Variants in RPTOR observed in about 807,000 individuals in gnomAD.
RPTOR encodes the protein regulatory associated protein of MTOR complex 1.
Under a neutral mutation model 169.9 loss-of-function variants are expected in RPTOR, and 21 were observed. The observed-to-expected ratio is 0.12, with a 90% CI of 0.09 to 0.18. The LOEUF (loss-of-function observed/expected upper bound fraction) is 0.18, where lower values mean the gene tolerates loss of function less well. Ranked by LOEUF, RPTOR falls within the 10% of genes least tolerant of loss-of-function variation. RPTOR has a pLI of 1.00. For synonymous variants in RPTOR, 732 were observed against 753.2 expected, an observed-to-expected ratio of 0.97 and a Z score of 0.46; for missense variants, 1,133 against 1,855.9, an observed-to-expected ratio of 0.61 and a Z score of 7.16.
chr17:80,593,095 G>T (rs569694728), intron 1 of RPTOR: 1 of 152,268 alleles, frequency 6.6e-6, no homozygotes, highest in Non-Finnish European at 1.5e-5. Context: ...TGGGATCCGG[G>T]AGGGGCCTGT....
chr17:80,631,481 G>A (rs573254490), intron 2 of RPTOR, among the ~76,000 whole-genome samples: 3 of 152,066 alleles, frequency 2.0e-5, no homozygotes, highest in Non-Finnish European at 4.4e-5. Context: ...GCAGACCTGC[G>A]CTCTTCAAAG....
chr17:80,876,971 G>T (rs2068125938), intron 13 of RPTOR, among the ~76,000 whole-genome samples: 1 of 139,800 alleles, frequency 7.2e-6, no homozygotes, highest in Non-Finnish European at 1.5e-5. Flanking sequence ...CGCCTGCCGG[G>T]TCTTCCACCG....
chr17:80,952,527 G>T (rs1003390171), intron 28 of RPTOR, among the ~76,000 whole-genome samples: 7 of 152,340 alleles, frequency 4.6e-5, no homozygotes, highest in Admixed American at 4.6e-4. Context: ...GGACCCGCTT[G>T]CCCAGTTGGG....
intron 2 of RPTOR, among the ~76,000 whole-genome samples, chr17:80,639,852 C>T (rs1204574604): frequency 6.6e-6 from 1 of 152,164 alleles, no homozygotes; most frequent in African/African-American, 2.4e-5. Flanking sequence ...AAACTGGGTA[C>T]ATAGGAAGAA....
chr17:80,961,236 T>C (rs1051175581), intron 30 of RPTOR, among the ~76,000 whole-genome samples, 158 bp from the exon 31 acceptor site: 2 of 152,190 alleles, frequency 1.3e-5, no homozygotes, highest in African/African-American at 4.8e-5. Context: ...GAGGGGGCTC[T>C]GACCCTGCGT....
At chr17:80,952,242 G>T (rs1409950220) in intron 28 of RPTOR, among the ~76,000 whole-genome samples, 2 of 152,230 alleles carry the variant, frequency 1.3e-5, no homozygotes, top group Non-Finnish European at 2.9e-5. Flanking sequence ...TTAGCAGGTT[G>T]GTTTCCCTCC....
At chr17:80,806,562 GCTT>G (rs1228261604) in intron 7 of RPTOR, among the ~76,000 whole-genome samples, 7 of 152,250 alleles carry the variant, frequency 4.6e-5, no homozygotes, top group African/African-American at 1.7e-4. Context: ...AAGTTGGAAA[GCTT>G]CTTATTTAAA....
At chr17:80,771,807 A>G (rs1000863315) in intron 6 of RPTOR, among the ~76,000 whole-genome samples, 2 of 152,080 alleles carry the variant, frequency 1.3e-5, no homozygotes, top group Admixed American at 6.5e-5. Context: ...CGCCCCCGAT[A>G]TGGGGGAAGC....
chr17:80,766,916 C>A (rs2066793352), intron 6 of RPTOR, among the ~76,000 whole-genome samples: 1 of 152,006 alleles, frequency 6.6e-6, no homozygotes, highest in Admixed American at 6.5e-5. Context: ...CAGAAGTTGA[C>A]CCCAAAATTT....
chr17:80,561,273 A>ATG, intron 1 of RPTOR, among the ~76,000 whole-genome samples: 1 of 47,872 alleles, frequency 2.1e-5, no homozygotes, highest in African/African-American at 5.0e-5. Context: ...GTATATATAT[A>ATG]TATATATATA....
chr17:80,826,614 C>T (rs927116590), intron 9 of RPTOR, among the ~76,000 whole-genome samples: 9 of 152,264 alleles, frequency 5.9e-5, no homozygotes, highest in African/African-American at 2.2e-4. Flanking sequence ...GAAGCACCGC[C>T]CTGGCCTCCT....
At chr17:80,773,158 C>A (rs7221492) in intron 6 of RPTOR, among the ~76,000 whole-genome samples, 41,573 of 152,214 alleles carry the variant, frequency 0.27, 5,853 homozygotes, top group African/African-American at 0.33. Context: ...GCCAGTGACA[C>A]AGGGCTGCCC....
intron 3 of RPTOR, among the ~76,000 whole-genome samples, chr17:80,645,365 A>G (rs1384506274): frequency 2.0e-5 from 3 of 152,260 alleles, no homozygotes; most frequent in East Asian, 3.9e-4. Flanking sequence ...TTTACTAGAT[A>G]CCTTTGTTTA....
chr17:80,902,953 T>G (rs2068494996), intron 20 of RPTOR, among the ~76,000 whole-genome samples: 1 of 152,260 alleles, frequency 6.6e-6, no homozygotes, highest in Admixed American at 6.5e-5. Flanking sequence ...GAGAAGGCTC[T>G]TCCCGCAGAA....
At chr17:80,699,187 C>T (rs190467210) in intron 3 of RPTOR, among the ~76,000 whole-genome samples, 8 of 152,338 alleles carry the variant, frequency 5.3e-5, no homozygotes, top group South Asian at 2.1e-4. Flanking sequence ...AGAAGCTCAT[C>T]GGGCTGTGTA....
intron 21 of RPTOR, among the ~76,000 whole-genome samples, chr17:80,910,842 CT>C (rs11351495): frequency 0.79 from 109,233 of 137,706 alleles, 43,111 homozygotes; most frequent in Admixed American, 0.83. Context: ...TTCTTCAGTT[CT>C]TTTTTTTTTT....
chr17:80,766,905 A>G (rs1048616495), intron 6 of RPTOR, among the ~76,000 whole-genome samples: 1 of 152,226 alleles, frequency 6.6e-6, no homozygotes, highest in Non-Finnish European at 1.5e-5. Context: ...GCAAAAATAA[A>G]CAGAAGTTGA....
chr17:80,763,072 C>T (rs1368072419), intron 6 of RPTOR, among the ~76,000 whole-genome samples: 3 of 152,014 alleles, frequency 2.0e-5, no homozygotes, highest in Non-Finnish European at 4.4e-5. Context: ...ACAGCACGAC[C>T]CTGTCTCTAC....
At chr17:80,574,325 C>T (rs1226590060) in intron 1 of RPTOR, among the ~76,000 whole-genome samples, 23 of 150,762 alleles carry the variant, frequency 1.5e-4, no homozygotes, top group African/African-American at 4.6e-4. Flanking sequence ...CCACCGCGCC[C>T]GGCTAATTTT....
Sources: gnomAD v4.1 joint callset for allele counts (sites outside exome capture counted in the v4.1 genomes callset) on GRCh38, gnomAD v4.1.1 for gene constraint, MANE v1.5 for transcripts, NCBI Gene and HGNC (gene_info 2026-07-23, HGNC 2026-07-21) for gene names.